Variants in KIF5C observed in about 807,000 individuals in gnomAD.
KIF5C encodes kinesin family member 5C.
A neutral mutation model predicts 125.2 loss-of-function variants in KIF5C; 18 were observed. The ratio of observed to expected loss-of-function variants is 0.14; its 90% CI spans 0.10 to 0.21. The LOEUF (loss-of-function observed/expected upper bound fraction) is 0.21. KIF5C is among the 10% of genes least tolerant of loss of function. KIF5C has a pLI of 1.00. For synonymous variants in KIF5C, 405 were observed against 434.0 expected (o/e 0.93, Z 0.83); for missense variants, 780 against 1,183.8 (o/e 0.66, Z 5.01).
rs113914489 is a variant in KIF5C at position 148,876,776 on chromosome 2, A to G, written c.126+1033A>G. Among the ~76,000 whole-genome samples, 2,634 of 152,132 alleles carry G rather than the reference A, an allele frequency of 0.017. 84 individuals are homozygous for G. The highest frequency in any genetic ancestry group is 0.061 in the African/African-American group (2,518 of 41,492). On this transcript the variant is annotated intron_variant, in intron 1 of 25. Coordinates refer to ENST00000435030, the MANE Select transcript of KIF5C (RefSeq NM_004522.3). The surrounding 1 kb of genome is among the most constrained non-coding windows in gnomAD (Gnocchi z 4.7). Reference sequence around the variant, plus strand: ...CCGCTGTCCGTAGCGTGTGTGGCTGATGGTGCCCCCTTTGTATGCGAGCCG... The same window carrying G: ...CCGCTGTCCGTAGCGTGTGTGGCTGGTGGTGCCCCCTTTGTATGCGAGCCG...
At chr2:148,929,431 G>A (rs1418621214) in intron 3 of KIF5C, 77 bp downstream of exon 3, 2 of 894,584 alleles carry the variant, frequency 2.2e-6, no homozygotes, top group Non-Finnish European at 3.5e-6. Flanking sequence ...AACTTGAGGT[G>A]CATGTGGCTT....
rs988350265 is a variant in KIF5C at position 148,976,575 on chromosome 2, A to AT, written c.1294-2337dup. Among the ~76,000 whole-genome samples, 19 of 146,450 alleles carry AT rather than the reference A, an allele frequency of 1.3e-4. 1 individual carries two copies. The East Asian group carries it at 1.4e-3, about 11-fold the overall frequency. ...GAGCCACCACGCCTGGCCGCATGTT[A>AT]TTTTTTTTTTAATTTTTGAGATGGG... On this transcript the variant is annotated intron_variant, in intron 12 of 25. Transcript: ENST00000435030.
chr2:148,946,764 T>C (rs1382221090), intron 7 of KIF5C, 135 bp from the exon 8 acceptor site: 1 of 1,292,420 alleles, frequency 7.7e-7, no homozygotes, highest in Non-Finnish European at 1.0e-6. Flanking sequence ...GGGTCTCAGA[T>C]AATTTTTAGA....
chr2:148,917,243 T>G (rs1681592592), intron 1 of KIF5C, among the ~76,000 whole-genome samples: 1 of 152,234 alleles, frequency 6.6e-6, no homozygotes, highest in African/African-American at 2.4e-5. Context: ...CTTTCTTGAC[T>G]GCCACAGGCT....
At chr2:149,002,093 A>G (rs1305685869) in intron 21 of KIF5C, among the ~76,000 whole-genome samples, 2 of 152,278 alleles carry the variant, frequency 1.3e-5, no homozygotes, top group Non-Finnish European at 2.9e-5. Context: ...AAATGAAGCC[A>G]TGAAATTGCT....
At chr2:148,963,028 T>C (rs944014952) in intron 11 of KIF5C, among the ~76,000 whole-genome samples, 4 of 152,016 alleles carry the variant, frequency 2.6e-5, no homozygotes, top group Non-Finnish European at 5.9e-5. Context: ...TGGGAGAAAA[T>C]ATCTCAGAGA....
chr2:148,957,592 T>TGA (rs1285261249), intron 10 of KIF5C, among the ~76,000 whole-genome samples: 18 of 71,822 alleles, frequency 2.5e-4, no homozygotes, highest in African/African-American at 7.4e-4. Context: ...TTTGTTCTAG[T>TGA]AAAAAAAAAA....
intron 1 of KIF5C, among the ~76,000 whole-genome samples, chr2:148,917,508 T>C (rs1223698617): frequency 2.0e-5 from 3 of 152,248 alleles, no homozygotes; most frequent in African/African-American, 4.8e-5. Flanking sequence ...ACCTAGCTCA[T>C]AGAGTTCTTA....
intron 10 of KIF5C, among the ~76,000 whole-genome samples, chr2:148,953,295 A>C (rs1358867859): frequency 6.6e-6 from 1 of 152,246 alleles, no homozygotes. Flanking sequence ...GTTGCTGAAC[A>C]TTGATGCCAT....
rs1681338276 is a variant in KIF5C at position 148,985,009 on chromosome 2, G to T, written c.1716+1243G>T. ...GTGGAGATGGGGTTTCTCCATATTG[G>T]CCAGGCTGGTCTCGAATTCCTGGCC... On this transcript the variant is annotated intron_variant, in intron 15 of 25. Transcript: ENST00000435030. 2.0e-5 allele frequency among the ~76,000 whole-genome samples: 3 copies of T among 151,822 alleles called. 1 individual carries two copies. The South Asian group carries it at 6.2e-4, about 32-fold the overall frequency.
At chr2:148,894,811 T>C (rs1423015311) in intron 1 of KIF5C, among the ~76,000 whole-genome samples, 1 of 151,222 alleles carries the variant, frequency 6.6e-6, no homozygotes, top group Non-Finnish European at 1.5e-5. Context: ...TTTCTTTCAT[T>C]TTTATTCCAA....
intron 2 of KIF5C, among the ~76,000 whole-genome samples, chr2:148,927,672 C>G (rs1039589692): frequency 1.3e-5 from 2 of 152,052 alleles, no homozygotes; most frequent in African/African-American, 4.8e-5. Context: ...CTTTGGGTCC[C>G]TCAAAGCATA....
intron 3 of KIF5C, among the ~76,000 whole-genome samples, chr2:148,934,051 A>G (rs1682233086): frequency 6.6e-6 from 1 of 151,024 alleles, no homozygotes; most frequent in African/African-American, 2.5e-5. Flanking sequence ...CACACCACAC[A>G]TGGCCCTCAC....
chr2:148,935,131 G>T (rs1682265966), intron 3 of KIF5C: 6 of 357,034 alleles, frequency 1.7e-5, no homozygotes, highest in South Asian at 8.7e-5. Flanking sequence ...ATTGATTTTA[G>T]GGTGAGGACT....
At chr2:148,960,463 A>G (rs1682899304) in intron 10 of KIF5C, among the ~76,000 whole-genome samples, 1 of 152,152 alleles carries the variant, frequency 6.6e-6, no homozygotes, top group East Asian at 1.9e-4. Context: ...TCAGGAGGAG[A>G]GGTGAGAGTG....
At chr2:149,018,358 C>T (rs58682908) in intron 25 of KIF5C, among the ~76,000 whole-genome samples, 11,390 of 152,178 alleles carry the variant, frequency 0.075, 1,206 homozygotes, top group African/African-American at 0.23. Context: ...ACAAGCACTC[C>T]GTGCTCATCT....
chr2:148,964,322 T>G (rs1431813789), intron 11 of KIF5C, among the ~76,000 whole-genome samples: 1 of 151,880 alleles, frequency 6.6e-6, no homozygotes, highest in Non-Finnish European at 1.5e-5. Flanking sequence ...TGTGCCCTCT[T>G]GGGTGAGATC....
intron 7 of KIF5C, among the ~76,000 whole-genome samples, chr2:148,944,381 C>G (rs972757924): frequency 6.6e-6 from 1 of 152,184 alleles, no homozygotes; most frequent in East Asian, 1.9e-4. Flanking sequence ...CTAGGTACCT[C>G]ATGTAAGTGG....
intron 10 of KIF5C, 27 bp downstream of exon 10, chr2:148,950,489 C>T: frequency 6.2e-7 from 1 of 1,606,282 alleles, no homozygotes; most frequent in East Asian, 2.2e-5. Context: ...AGGACCCATC[C>T]TCTGTGCTAG....
Sources: gnomAD v4.1 joint callset for allele counts (sites outside exome capture counted in the v4.1 genomes callset) on GRCh38, gnomAD v4.1.1 for gene constraint, Gnocchi (gnomAD v3.1) non-coding constraint, MANE v1.5 for transcripts, NCBI Gene and HGNC (gene_info 2026-07-23, HGNC 2026-07-21) for gene names.